The following AASS variants were observed in gnomAD, a reference collection of about 807,000 sequenced individuals.
AASS encodes the protein alpha-aminoadipic semialdehyde synthase, mitochondrial.
Under a neutral mutation model 105.4 loss-of-function variants are expected in AASS, and 86 were observed. That is an observed-to-expected ratio of 0.82 (90% CI 0.69 to 0.98). The LOEUF (loss-of-function observed/expected upper bound fraction) is 0.98, where lower values mean the gene tolerates loss of function less well. Ranked by LOEUF, AASS falls within the 50% of genes least tolerant of loss-of-function variation. The pLI, the probability that AASS is intolerant of heterozygous loss-of-function variation, is 0.00. For synonymous variants in AASS, 381 were observed against 394.8 expected, an observed-to-expected ratio of 0.96 and a Z score of 0.41; for missense variants, 1,048 against 1,143.2, an observed-to-expected ratio of 0.92 and a Z score of 1.20.
intron 18 of AASS, among the ~76,000 whole-genome samples, chr7:122,088,565 A>G (rs1023395667): frequency 1.3e-5 from 2 of 152,178 alleles, no homozygotes; most frequent in Non-Finnish European, 2.9e-5. Context: ...AAAGTACAGC[A>G]TTCTGGATTA....
chr7:122,125,824 T>G (rs1464165688), intron 4 of AASS, among the ~76,000 whole-genome samples: 1 of 152,202 alleles, frequency 6.6e-6, no homozygotes, highest in Non-Finnish European at 1.5e-5. Context: ...GGGACGAAAG[T>G]CTTTGAAGAG....
intron 1 of AASS, among the ~76,000 whole-genome samples, chr7:122,134,962 A>T (rs1436632674): frequency 2.6e-5 from 4 of 152,180 alleles, no homozygotes; most frequent in Admixed American, 2.6e-4. Context: ...GGATGAGTTC[A>T]TGTCCTTTGT....
At position 122,075,041 on chromosome 7, in the gene AASS, T is replaced by G. The variant is rs147932621; in HGVS notation, c.*1448A>C. Among the ~76,000 whole-genome samples the G allele has an allele frequency of 1.9e-4, 29 of 152,132 alleles. No individual in the cohort carries two copies. The highest frequency in any genetic ancestry group is 3.1e-4 in the Non-Finnish European group (21 of 67,970). ...ATCCAGCTGTTTTTTGTTTGCTTGTTGTTTTTTGTTTGTTTGTTTTTGTAG... is the reference window on the plus strand; with the variant it reads ...ATCCAGCTGTTTTTTGTTTGCTTGTGGTTTTTTGTTTGTTTGTTTTTGTAG... On this transcript the variant is annotated 3_prime_UTR_variant, in exon 24 of 24. Transcript: ENST00000417368.
At chr7:122,131,269 C>CA (rs544710597) in intron 2 of AASS, among the ~76,000 whole-genome samples, 1 of 148,248 alleles carries the variant, frequency 6.7e-6, no homozygotes, top group African/African-American at 2.5e-5. Flanking sequence ...GAAACCACAC[C>CA]AAAAAAAATT....
In AASS at chr7:122,079,382, T is replaced by C. The variant is rs183720477; in HGVS notation, c.2396+215A>G. On this transcript the variant is annotated intron_variant, in intron 21 of 23. Coordinates refer to ENST00000417368, the MANE Select transcript of AASS (RefSeq NM_005763.4). Reference sequence around the variant, plus strand: ...CTTGGGAACTGAGTGGTAAAGTGTTTCGAGATAAGCATTTCTCAAATTCTA... The same window carrying C: ...CTTGGGAACTGAGTGGTAAAGTGTTCCGAGATAAGCATTTCTCAAATTCTA... The C allele has an allele frequency of 3.2e-5, 43 of 1,364,722 alleles. No individual in the cohort carries two copies. The East Asian group carries it at 1.1e-3, about 34-fold the overall frequency. 84.5% of individuals were successfully genotyped at this position (1,364,722 alleles called of 1,614,324 possible). A position where few individuals can be genotyped will look rare whatever the true frequency, so the allele number is the denominator to read the frequency against.
intron 1 of AASS, among the ~76,000 whole-genome samples, chr7:122,136,162 T>C (rs1294658540): frequency 3.3e-5 from 5 of 152,236 alleles, no homozygotes; most frequent in African/African-American, 1.2e-4. Context: ...ACATTTATTT[T>C]ACATCAGACT....
intron 1 of AASS, among the ~76,000 whole-genome samples, chr7:122,143,041 A>G (rs1358915343): frequency 6.6e-6 from 1 of 152,222 alleles, no homozygotes; most frequent in East Asian, 1.9e-4. Flanking sequence ...CAGGTTACAC[A>G]GTCAAGTCAT....
At chr7:122,102,980 A>G (rs1023988167) in intron 11 of AASS, among the ~76,000 whole-genome samples, 5 of 152,100 alleles carry the variant, frequency 3.3e-5, no homozygotes, top group African/African-American at 9.6e-5. Flanking sequence ...ATTGTGATTA[A>G]TATGTTCAAA....
chr7:122,136,364 A>G (rs561375633), intron 1 of AASS, among the ~76,000 whole-genome samples: 1 of 152,358 alleles, frequency 6.6e-6, no homozygotes, highest in South Asian at 2.1e-4. Flanking sequence ...GAAGATGGCC[A>G]AGAAGAAAAA....
At chr7:122,080,638 G>A (rs1051921602) in intron 20 of AASS, among the ~76,000 whole-genome samples, 3 of 152,168 alleles carry the variant, frequency 2.0e-5, no homozygotes, top group African/African-American at 7.2e-5. Flanking sequence ...ACAAAGAAAT[G>A]ATGAATGCTT....
chr7:122,106,278 C>T (rs951125977), intron 11 of AASS, among the ~76,000 whole-genome samples: 1 of 151,888 alleles, frequency 6.6e-6, no homozygotes, highest in African/African-American at 2.4e-5. Flanking sequence ...AGAGGGCATC[C>T]TTGTTGCCAG....
In AASS at chr7:122,077,932, A is replaced by C; in HGVS notation, c.2568T>G (p.Ile856Met). The C allele has an allele frequency of 3.1e-6, 5 of 1,614,208 alleles. No homozygotes were observed. In the South Asian group the frequency reaches 5.5e-5, roughly 18 times the overall value. ...HPSGHLEHKT[I>M]DLVAYGDING... ...TGATGTCCCCATAAGCCACAAGATC[A>C]ATCGTTTTATGTTCTAAATGTCCAG... Residue 856 changes from isoleucine to methionine, a missense_variant, in exon 23 of 24, where the codon ATT becomes ATG. Coordinates refer to ENST00000417368, the MANE Select transcript of AASS (RefSeq NM_005763.4).
At chr7:122,129,129 G>A (rs1056339186) in intron 3 of AASS, among the ~76,000 whole-genome samples, 3 of 151,980 alleles carry the variant, frequency 2.0e-5, no homozygotes, top group Non-Finnish European at 4.4e-5. Flanking sequence ...GATCCCTGAG[G>A]TTATTTTCAG....
Position 122,077,981 on chromosome 7 carries a change from T to G in AASS, c.2519A>C (p.Asp840Ala), listed in dbSNP as rs771797768. The change falls in exon 23 of 24, where the codon GAC (aspartate) becomes GCC (alanine). Residue 840 changes from aspartate to alanine, a missense_variant. Physicochemically the swap from Asp to Ala is moderately radical, Grantham distance 126. Coordinates refer to ENST00000417368, the MANE Select transcript of AASS (RefSeq NM_005763.4). ...AGAAGGATGTCTGATTCCAAAGCTG[T>G]CTCTCATCACAATCATATCTTTTTC... ...PEEKDMIVMR[D>A]SFGIRHPSGH... 2.5e-6 allele frequency: 4 copies of G among 1,614,148 alleles called. No individual in the cohort carries two copies. In the South Asian group the frequency reaches 4.4e-5, roughly 18 times the overall value.
chr7:122,117,485 A>C (rs1455663684), intron 6 of AASS, among the ~76,000 whole-genome samples: 8 of 152,148 alleles, frequency 5.3e-5, no homozygotes. Flanking sequence ...TCTTCCTAAC[A>C]TCTTGTTTGC....
Position 122,077,786 on chromosome 7 carries a change from T to A in AASS, c.2662+52A>T, listed in dbSNP as rs367958255. 393 of 1,605,092 alleles carry A rather than the reference T, an allele frequency of 2.4e-4. 2 individuals are homozygous for A. Among genetic ancestry groups the A allele is most frequent in the Middle Eastern group, 2.3e-3 (14 of 6,042 alleles). On this transcript the variant is annotated intron_variant, in intron 23 of 23. Transcript: ENST00000417368. Reference sequence around the variant, plus strand: ...AATTACTTGATGTCCAGGCACCAAATGGCTTGGAGGTGAAACAGAAACAGG... The same window carrying A: ...AATTACTTGATGTCCAGGCACCAAAAGGCTTGGAGGTGAAACAGAAACAGG...
intron 15 of AASS, among the ~76,000 whole-genome samples, chr7:122,097,124 A>T (rs1048891120): frequency 6.6e-6 from 1 of 151,972 alleles, no homozygotes; most frequent in African/African-American, 2.4e-5. Flanking sequence ...ATCAAGAGAA[A>T]TGTAAAAATG....
rs2150505167 is a variant in AASS, at chr7:122,076,082, G to A, written c.*407C>T. 1 of 172,692 alleles carries A rather than the reference G, an allele frequency of 5.8e-6. No homozygotes were observed. Among genetic ancestry groups the A allele is most frequent in the South Asian group, 1.3e-4 (1 of 7,868 alleles). 10.7% of individuals were successfully genotyped at this position (172,692 alleles called of 1,614,324 possible). On this transcript the variant is annotated 3_prime_UTR_variant, in exon 24 of 24. Coordinates refer to ENST00000417368, the MANE Select transcript of AASS (RefSeq NM_005763.4). ...CCAGCTACTTGGGAGGCTGAGGCAG[G>A]AGAATGGCGTGAACCCAGGAGGCGG...
chr7:122,101,639 A>C lies in AASS; in HGVS notation c.1320T>G (p.Phe440Leu). Residue 440 changes from phenylalanine (F) to leucine (L), a missense_variant, in exon 12 of 24, where the codon TTT (phenylalanine) becomes TTG (leucine). Transcript: ENST00000417368. ...DATQPLESQN[F>L]SPVVRDAVIT... ...AACTTACATCTCTCACCACAGGAGA[A>C]AAATTCTGACTTTCAAGAGGCTGTG... 6.2e-7 allele frequency: 1 copy of C among 1,611,664 alleles called. No individual in the cohort carries two copies. The highest frequency in any genetic ancestry group is 8.5e-7 in the Non-Finnish European group (1 of 1,178,336).
Sources: allele counts gnomAD v4.1 joint callset (sites outside exome capture counted in the v4.1 genomes callset), GRCh38; gene constraint gnomAD v4.1.1; transcripts MANE v1.5; gene names NCBI Gene and HGNC (gene_info 2026-07-23, HGNC 2026-07-21).